The following KANK1 variants were observed in gnomAD, a reference collection of about 807,000 sequenced individuals.
The protein encoded by KANK1 is KN motif and ankyrin repeat domains 1.
KANK1 carries 109 observed loss-of-function variants against 106.2 expected under a neutral mutation model. The ratio of observed to expected loss-of-function variants is 1.03; its 90% CI spans 0.88 to 1.20. The LOEUF (loss-of-function observed/expected upper bound fraction) is 1.20, where lower values mean the gene tolerates loss of function less well. KANK1 is among the 50% of genes most tolerant of loss of function. KANK1 has a pLI of 0.00. For synonymous variants in KANK1, 873 were observed against 652.2 expected (o/e 1.34, Z -5.16); for missense variants, 2,399 against 1,710.7 (o/e 1.40, Z -7.10).
chr9:599,615 A>G (rs916519338), intron 1 of KANK1, among the ~76,000 whole-genome samples: 1 of 151,880 alleles, frequency 6.6e-6, no homozygotes, highest in African/African-American at 2.4e-5. Flanking sequence ...CTGATATGCT[A>G]CGTAGCTGAC....
At chr9:725,170 A>G (rs1830340945) in intron 3 of KANK1, among the ~76,000 whole-genome samples, 1 of 152,144 alleles carries the variant, frequency 6.6e-6, no homozygotes, top group Admixed American at 6.5e-5. Context: ...CGAATTAGGA[A>G]ATGTGAGTTC....
chr9:707,141 C>T (rs2130724788), intron 2 of KANK1: 1 of 985,472 alleles, frequency 1.0e-6, no homozygotes, highest in South Asian at 4.7e-5. Context: ...GTTGAAACTT[C>T]TCCTCACGGG....
At chr9:725,444 G>C (rs1830401279) in intron 3 of KANK1, among the ~76,000 whole-genome samples, 1 of 144,528 alleles carries the variant, frequency 6.9e-6, no homozygotes, top group Admixed American at 7.2e-5. Context: ...AGTGAACTGA[G>C]ATCACGCCAC....
intron 1 of KANK1, among the ~76,000 whole-genome samples, chr9:560,503 A>G (rs1816109785): frequency 6.6e-6 from 1 of 152,192 alleles, no homozygotes; most frequent in African/African-American, 2.4e-5. Flanking sequence ...TGTGGGCAGG[A>G]TGTAGGGAGA....
chr9:535,856 C>G (rs1040706738), intron 1 of KANK1, among the ~76,000 whole-genome samples: 2 of 152,188 alleles, frequency 1.3e-5, no homozygotes, highest in Non-Finnish European at 2.9e-5. Context: ...TTTCTATTAA[C>G]AGGTCTGTTC....
chr9:553,553 A>G (rs1177093892), intron 1 of KANK1, among the ~76,000 whole-genome samples: 2 of 152,292 alleles, frequency 1.3e-5, no homozygotes, highest in South Asian at 2.1e-4. Context: ...ATTTTAGGCA[A>G]TTATCAGAAG....
intron 1 of KANK1, among the ~76,000 whole-genome samples, chr9:628,525 G>C (rs1485557161): frequency 2.0e-5 from 3 of 152,128 alleles, no homozygotes; most frequent in Admixed American, 6.5e-5. Context: ...GCCTCTGCTC[G>C]TCACTTGAGG....
chr9:504,922 C>T (rs2058672392), intron 1 of KANK1, among the ~76,000 whole-genome samples, 168 bp downstream of exon 1: 1 of 150,418 alleles, frequency 6.6e-6, no homozygotes, highest in African/African-American at 2.4e-5. Flanking sequence ...CGCGGGCTCC[C>T]GCTCGTGCGG....
intron 1 of KANK1, among the ~76,000 whole-genome samples, chr9:610,890 A>T (rs1036209006): frequency 1.3e-5 from 2 of 152,122 alleles, no homozygotes; most frequent in Non-Finnish European, 2.9e-5. Context: ...GCCAGTACGC[A>T]AGAGTGCTGT....
At chr9:508,378 C>G (rs1394126117) in intron 1 of KANK1, among the ~76,000 whole-genome samples, 2 of 152,114 alleles carry the variant, frequency 1.3e-5, no homozygotes, top group Admixed American at 1.3e-4. Context: ...CTCAGGTGAT[C>G]CGCCTGCCTT....
intron 2 of KANK1, chr9:707,185 C>T: frequency 2.0e-6 from 2 of 985,876 alleles, no homozygotes; most frequent in South Asian, 9.3e-5. Flanking sequence ...CCGGGTCCGG[C>T]TGAGCTGGAG....
intron 1 of KANK1, among the ~76,000 whole-genome samples, chr9:545,217 A>G (rs2060857520): frequency 6.6e-6 from 1 of 152,062 alleles, no homozygotes; most frequent in Non-Finnish European, 1.5e-5. Flanking sequence ...CATCAAGCCC[A>G]GTGCCCAGAC....
At chr9:728,255 C>A (rs937522140) in intron 3 of KANK1, among the ~76,000 whole-genome samples, 2 of 152,114 alleles carry the variant, frequency 1.3e-5, no homozygotes, top group East Asian at 3.9e-4. Context: ...GGCTGGAGTG[C>A]AATGGCACGA....
chr9:543,462 G>A (rs1288529785), intron 1 of KANK1, among the ~76,000 whole-genome samples: 1 of 151,778 alleles, frequency 6.6e-6, no homozygotes, highest in Non-Finnish European at 1.5e-5. Context: ...GGGAGGCTGA[G>A]GCAGGAGAAT....
chr9:565,856 C>T (rs746173418), intron 1 of KANK1, among the ~76,000 whole-genome samples: 5 of 152,200 alleles, frequency 3.3e-5, no homozygotes, highest in South Asian at 4.1e-4. Flanking sequence ...TTTATACCTA[C>T]GCTTTTAACA....
At chr9:630,467 C>T (rs1156298477) in intron 1 of KANK1, among the ~76,000 whole-genome samples, 17 of 151,900 alleles carry the variant, frequency 1.1e-4, no homozygotes, top group African/African-American at 3.9e-4. Context: ...GGGAGAATGG[C>T]GTAAACCCGG....
intron 3 of KANK1, among the ~76,000 whole-genome samples, chr9:715,225 G>T (rs1156805978): frequency 1.3e-5 from 2 of 152,142 alleles, no homozygotes; most frequent in Admixed American, 1.3e-4. Flanking sequence ...ATACAGGGAA[G>T]TCATTTTAGA....
chr9:640,227 G>A (rs1383883460), intron 1 of KANK1, among the ~76,000 whole-genome samples: 1 of 151,980 alleles, frequency 6.6e-6, no homozygotes, highest in African/African-American at 2.4e-5. Context: ...TTTTTGGGGG[G>A]CACACATCAT....
chr9:513,585 C>A (rs1379280151), intron 1 of KANK1, among the ~76,000 whole-genome samples: 1 of 152,154 alleles, frequency 6.6e-6, no homozygotes, highest in East Asian at 1.9e-4. Context: ...GCAGATATAA[C>A]CTCTTTTGAT....
Sources: gnomAD v4.1 joint callset for allele counts (sites outside exome capture counted in the v4.1 genomes callset) on GRCh38, gnomAD v4.1.1 for gene constraint, MANE v1.5 for transcripts, NCBI Gene and HGNC (gene_info 2026-07-23, HGNC 2026-07-21) for gene names.